The following EXT1 variants were observed in gnomAD, a reference collection of about 807,000 sequenced individuals.
The protein encoded by EXT1 is exostosin glycosyltransferase 1, also known as exostosin-1.
Under a neutral mutation model 82.5 loss-of-function variants are expected in EXT1, and 20 were observed. The ratio of observed to expected loss-of-function variants is 0.24; its 90% CI spans 0.17 to 0.35. The LOEUF is 0.35. Among genes scored for constraint, EXT1 ranks in the 10% least tolerant of loss-of-function variants. The probability of loss-of-function intolerance (pLI) is 1.00; values close to 1 mark genes in which losing one functional copy is unlikely to be tolerated. For missense variants in EXT1, 757 were observed against 936.5 expected (o/e 0.81, Z 2.50); for synonymous variants, 348 against 350.8 (o/e 0.99, Z 0.09).
chr8:117,898,980 C>CTGAA (rs201828475), intron 1 of EXT1, among the ~76,000 whole-genome samples: 1,552 of 152,198 alleles, frequency 0.01, 21 homozygotes, highest in African/African-American at 0.033. Context: ...CCCTCTAAAT[C>CTGAA]TGAAGCTGGT....
At chr8:118,093,268 C>CAAAAAAAA (rs10594150) in intron 1 of EXT1, among the ~76,000 whole-genome samples, 1 of 66,782 alleles carries the variant, frequency 1.5e-5, no homozygotes, top group Non-Finnish European at 2.6e-5. Context: ...AAATTCCCAG[C>CAAAAAAAA]AAAAAAAAAA....
intron 1 of EXT1, 137 bp downstream of exon 1, chr8:118,109,948 T>A: frequency 7.2e-7 from 1 of 1,380,480 alleles, no homozygotes; most frequent in Non-Finnish European, 1.0e-6. Flanking sequence ...CGAACCGGAT[T>A]TGCTCAGTTC....
chr8:117,872,271 C>G (rs748353667), intron 1 of EXT1, among the ~76,000 whole-genome samples: 4 of 152,106 alleles, frequency 2.6e-5, no homozygotes, highest in South Asian at 2.1e-4. Flanking sequence ...AGAGTATGCT[C>G]TATCATACTG....
chr8:117,814,263 G>GTGTGTGTGTGT (rs1586993934), intron 7 of EXT1, among the ~76,000 whole-genome samples: 3 of 148,946 alleles, frequency 2.0e-5, no homozygotes, highest in African/African-American at 4.9e-5. Flanking sequence ...GTGTGTGTGT[G>GTGTGTGTGTGT]GTGGGGGCTT....
At chr8:117,881,865 C>T (rs977221162) in intron 1 of EXT1, among the ~76,000 whole-genome samples, 7 of 152,188 alleles carry the variant, frequency 4.6e-5, no homozygotes, top group African/African-American at 1.7e-4. Flanking sequence ...TCCTCCTAAG[C>T]TACAGCTGCT....
chr8:117,937,294 T>C (rs1814183758), intron 1 of EXT1, among the ~76,000 whole-genome samples: 1 of 152,218 alleles, frequency 6.6e-6, no homozygotes. Context: ...GTGTAGGTAA[T>C]GGAAGTTCAT....
At chr8:118,077,374 C>G (rs1817231048) in intron 1 of EXT1, among the ~76,000 whole-genome samples, 1 of 152,140 alleles carries the variant, frequency 6.6e-6, no homozygotes, top group South Asian at 2.1e-4. Flanking sequence ...ATATGGGAAC[C>G]AAATAGAATA....
chr8:117,846,166 G>C (rs1812357098), intron 1 of EXT1, among the ~76,000 whole-genome samples: 1 of 152,120 alleles, frequency 6.6e-6, no homozygotes, highest in Admixed American at 6.5e-5. Flanking sequence ...GGAGTGCAGT[G>C]GCATGATCTC....
At chr8:118,056,075 GA>G (rs34797595) in intron 1 of EXT1, among the ~76,000 whole-genome samples, 57,390 of 150,642 alleles carry the variant, frequency 0.38, 11,407 homozygotes, top group Middle Eastern at 0.51. Flanking sequence ...GATGAGCTAG[GA>G]AAAAAAAAAT....
At chr8:117,887,293 CA>C in intron 1 of EXT1, among the ~76,000 whole-genome samples, 1 of 152,178 alleles carries the variant, frequency 6.6e-6, no homozygotes, top group South Asian at 2.1e-4. Context: ...AGAAATTTTC[CA>C]AAAATATTTT....
intron 1 of EXT1, among the ~76,000 whole-genome samples, chr8:117,974,030 A>C (rs1238815206): frequency 2.0e-5 from 3 of 151,516 alleles, no homozygotes; most frequent in African/African-American, 7.3e-5. Flanking sequence ...CCAGTGGTTT[A>C]GTGCCTTATC....
At chr8:117,807,405 C>T in intron 8 of EXT1, 28 bp from the exon 9 acceptor site, 1 of 1,613,910 alleles carries the variant, frequency 6.2e-7, no homozygotes. Flanking sequence ...GCCAAACAAG[C>T]AATCAACAGT....
intron 1 of EXT1, among the ~76,000 whole-genome samples, chr8:117,959,758 A>G (rs1356698419): frequency 1.3e-5 from 2 of 152,230 alleles, no homozygotes; most frequent in Admixed American, 1.3e-4. Flanking sequence ...GCCCGGTGTC[A>G]GCATCTAGGA....
chr8:117,904,709 A>G (rs1338875889), intron 1 of EXT1, among the ~76,000 whole-genome samples: 1 of 152,198 alleles, frequency 6.6e-6, no homozygotes, highest in Non-Finnish European at 1.5e-5. Flanking sequence ...AGGTGGCTTC[A>G]TGAAAATTCT....
rs966612843 is a variant in EXT1 at position 118,022,812 on chromosome 8, A to G, written c.962+87273T>C. 3.9e-4 allele frequency among the ~76,000 whole-genome samples: 59 copies of G among 152,332 alleles called. 1 individual carries two copies. Among genetic ancestry groups the G allele is most frequent in the African/African-American group, 1.4e-3 (58 of 41,584 alleles). On this transcript the variant is annotated intron_variant, in intron 1 of 10. Transcript: ENST00000378204. ...AAACAACCAATTACTTCTCATGACAAAAAGAAAGTATGTTCTATCATTTAT... is the reference window on the plus strand; with the variant it reads ...AAACAACCAATTACTTCTCATGACAGAAAGAAAGTATGTTCTATCATTTAT...
chr8:118,091,457 G>A lies in EXT1; in HGVS notation c.962+18628C>T, dbSNP rs184843391. ...GTTATTACAAAAAAATAAATAAGTCGGCCGGGCGCGGTGGCTCACGCCTGT... is the reference window on the plus strand; with the variant it reads ...GTTATTACAAAAAAATAAATAAGTCAGCCGGGCGCGGTGGCTCACGCCTGT... On this transcript the variant is annotated intron_variant, in intron 1 of 10. Transcript: ENST00000378204. Among the ~76,000 whole-genome samples, 13 of 152,060 alleles carry A rather than the reference G, an allele frequency of 8.5e-5. No homozygotes were observed. In the South Asian group the frequency reaches 1.0e-3, roughly 12 times the overall value.
At chr8:118,050,578 T>C (rs1384590542) in intron 1 of EXT1, among the ~76,000 whole-genome samples, 30 of 152,216 alleles carry the variant, frequency 2.0e-4, no homozygotes. Flanking sequence ...CTCTTGCAAG[T>C]ACTCAATTCT....
chr8:117,904,114 G>A (rs1339412630), intron 1 of EXT1, among the ~76,000 whole-genome samples: 2 of 152,190 alleles, frequency 1.3e-5, no homozygotes, highest in African/African-American at 4.8e-5. Context: ...AGCTAACAGT[G>A]ATACTAAACA....
intron 8 of EXT1, among the ~76,000 whole-genome samples, chr8:117,811,444 TC>T (rs2129715434): frequency 6.6e-6 from 1 of 151,814 alleles, no homozygotes; most frequent in East Asian, 1.9e-4. Context: ...AAAGCATGCA[TC>T]CCCCCACCCT....
Sources: allele counts gnomAD v4.1 joint callset (sites outside exome capture counted in the v4.1 genomes callset), GRCh38; gene constraint gnomAD v4.1.1; transcripts MANE v1.5; gene names NCBI Gene and HGNC (gene_info 2026-07-23, HGNC 2026-07-21).